The following SLC4A7 variants were observed in gnomAD, a reference collection of about 807,000 sequenced individuals.
SLC4A7 encodes the protein sodium bicarbonate cotransporter 3.
In SLC4A7, 51 loss-of-function variants were observed where a neutral mutation model predicts 137.6. The ratio of observed to expected loss-of-function variants is 0.37; its 90% CI spans 0.30 to 0.47. The LOEUF (loss-of-function observed/expected upper bound fraction) is 0.47. Among genes scored for constraint, SLC4A7 ranks in the 20% least tolerant of loss-of-function variants. SLC4A7 has a pLI of 1.00. For synonymous variants in SLC4A7, 542 were observed against 518.6 expected (o/e 1.05, Z -0.61); for missense variants, 1,247 against 1,525.4 (o/e 0.82, Z 3.04).
rs1416350975 is a variant in SLC4A7 at position 27,424,077 on chromosome 3, C to T, written c.1226G>A (p.Ser409Asn). The T allele has an allele frequency of 3.1e-6, 5 of 1,611,536 alleles. No individual in the cohort carries two copies. The highest frequency in any genetic ancestry group is 3.3e-4 in the Middle Eastern group (2 of 6,054). ...AGTACTATTTTCTCTGCTTCCACCA[C>T]TTCCATTACCTTTAATTTCTCCACT... ...SKSGEIKGNG[S>N]GGSRENSTVD... Residue 409 changes from serine (S) to asparagine (N), a missense_variant, in exon 8 of 26, where the codon AGT becomes AAT. Physicochemically the swap from Ser to Asn is conservative, Grantham distance 46 (BLOSUM62 1). Coordinates refer to ENST00000454389, the MANE Select transcript of SLC4A7 (RefSeq NM_001321103.2).
rs867642863 is a variant in SLC4A7 at position 27,484,227 on chromosome 3, G to A, written c.-101C>T. On this transcript the variant is annotated 5_prime_UTR_variant, in exon 1 of 26. Coordinates refer to ENST00000454389, the MANE Select transcript of SLC4A7 (RefSeq NM_001321103.2). ...CGCCGCCGCCGAGCCCCCGGCGCGC[G>A]AGGACAAACGTGGGTGCGTCCGTGC... 2.0e-6 allele frequency: 2 copies of A among 1,010,686 alleles called. No individual in the cohort carries two copies. The highest frequency in any genetic ancestry group is 6.8e-4 in the Middle Eastern group (2 of 2,930). The allele number at this position is 1,010,686 out of a possible 1,614,324, so 62.6% of individuals were successfully genotyped here.
chr3:27,380,486 G>A (rs1319513692), intron 24 of SLC4A7, among the ~76,000 whole-genome samples: 2 of 152,046 alleles, frequency 1.3e-5, no homozygotes, highest in Non-Finnish European at 2.9e-5. Flanking sequence ...GTATCATAAA[G>A]TTAATACAAA....
intron 1 of SLC4A7, among the ~76,000 whole-genome samples, chr3:27,476,520 C>G (rs1188954366): frequency 1.3e-5 from 2 of 152,196 alleles, no homozygotes; most frequent in Non-Finnish European, 2.9e-5. Context: ...CATCTGCTAT[C>G]GTTTGGCTCT....
At position 27,484,238 on chromosome 3, in the gene SLC4A7, T is replaced by G; in HGVS notation, c.-112A>C. Reference sequence around the variant, plus strand: ...AGCCCCCGGCGCGCGAGGACAAACGTGGGTGCGTCCGTGCGCGAGGTGTGC... The same window carrying G: ...AGCCCCCGGCGCGCGAGGACAAACGGGGGTGCGTCCGTGCGCGAGGTGTGC... On this transcript the variant is annotated 5_prime_UTR_variant, in exon 1 of 26. Coordinates refer to ENST00000454389, the MANE Select transcript of SLC4A7 (RefSeq NM_001321103.2). 6 of 894,340 alleles carry G rather than the reference T, an allele frequency of 6.7e-6. No individual in the cohort carries two copies. Among genetic ancestry groups the G allele is most frequent in the Non-Finnish European group, 8.8e-6 (6 of 685,150 alleles). 55.4% of individuals were successfully genotyped at this position (894,340 alleles called of 1,614,324 possible).
chr3:27,447,102 G>A (rs2057717170), intron 3 of SLC4A7, among the ~76,000 whole-genome samples: 1 of 149,916 alleles, frequency 6.7e-6, no homozygotes, highest in African/African-American at 2.5e-5. Flanking sequence ...TGGCCAGGCT[G>A]GTCTTGAACT....
At chr3:27,403,759 C>T (rs1292941385) in intron 14 of SLC4A7, among the ~76,000 whole-genome samples, 1 of 152,088 alleles carries the variant, frequency 6.6e-6, no homozygotes, top group East Asian at 1.9e-4. Flanking sequence ...TTGCATCTTA[C>T]TCCCTCTAAA....
At chr3:27,420,276 A>G (rs933588573) in intron 10 of SLC4A7, among the ~76,000 whole-genome samples, 1 of 152,172 alleles carries the variant, frequency 6.6e-6, no homozygotes, top group African/African-American at 2.4e-5. Flanking sequence ...CAAGAATCTG[A>G]TTACAAATCT....
chr3:27,448,790 T>TCTATGAC lies in SLC4A7; in HGVS notation c.143_149dup (p.Ala51SerfsTer2). ...GGACGTGAACACCAATATATACAGCTCTATGACCTATTAAAAGGTTCAGAA... is the reference window on the plus strand; with the variant it reads ...GGACGTGAACACCAATATATACAGCTCTATGACCTATGACCTATTAAAAGGTTCAGAA... On this transcript the variant is annotated stop_gained and frameshift_variant, in exon 3 of 26. Transcript: ENST00000454389. LOFTEE classifies it high-confidence loss of function. 1 of 1,592,478 alleles carries TCTATGAC rather than the reference T, an allele frequency of 6.3e-7. No individual in the cohort carries two copies. Among genetic ancestry groups the TCTATGAC allele is most frequent in the Non-Finnish European group, 8.5e-7 (1 of 1,170,704 alleles).
chr3:27,400,616 A>G (rs981101288), intron 16 of SLC4A7, 148 bp downstream of exon 16: 12 of 551,288 alleles, frequency 2.2e-5, no homozygotes, highest in Non-Finnish European at 3.5e-5. Flanking sequence ...ATAAAAAAGT[A>G]GCAACTGCTA....
At chr3:27,388,950 T>C (rs913100773) in intron 22 of SLC4A7, among the ~76,000 whole-genome samples, 1 of 152,170 alleles carries the variant, frequency 6.6e-6, no homozygotes, top group African/African-American at 2.4e-5. Flanking sequence ...AATTTATTGA[T>C]ATTCATGCAA....
intron 16 of SLC4A7, among the ~76,000 whole-genome samples, chr3:27,399,252 C>T (rs2052511774): frequency 1.3e-5 from 2 of 152,206 alleles, no homozygotes; most frequent in South Asian, 2.1e-4. Context: ...AAAAAACCCA[C>T]CCTGCATGGC....
At chr3:27,376,926 A>G in intron 25 of SLC4A7, 81 bp from the exon 26 acceptor site, 1 of 593,020 alleles carries the variant, frequency 1.7e-6, no homozygotes, top group East Asian at 3.4e-5. Flanking sequence ...TGAGTATACT[A>G]AACCTTCTGA....
chr3:27,432,727 TA>T (rs1430413501), intron 6 of SLC4A7, among the ~76,000 whole-genome samples: 1 of 152,182 alleles, frequency 6.6e-6, no homozygotes, highest in Non-Finnish European at 1.5e-5. Context: ...AAATGGCATT[TA>T]AAAGAAAACA....
At position 27,379,204 on chromosome 3, in the gene SLC4A7, T is replaced by C. The variant is rs1364680612; in HGVS notation, c.3698+45A>G. The C allele has an allele frequency of 1.0e-5, 10 of 1,003,306 alleles. No individual in the cohort carries two copies. The East Asian group carries it at 2.6e-4, about 26-fold the overall frequency. 62.2% of individuals were successfully genotyped at this position (1,003,306 alleles called of 1,614,324 possible). On this transcript the variant is annotated intron_variant, in intron 25 of 25. Transcript: ENST00000454389. ...AAGGAATGAAGCTATCATAAGTAAATGAAAATTGGCTACAGTTAGAAAACA... is the reference window on the plus strand; with the variant it reads ...AAGGAATGAAGCTATCATAAGTAAACGAAAATTGGCTACAGTTAGAAAACA...
chr3:27,393,841 T>G (rs1397120919), intron 20 of SLC4A7, among the ~76,000 whole-genome samples: 1 of 152,112 alleles, frequency 6.6e-6, no homozygotes, highest in East Asian at 1.9e-4. Context: ...ACAAGAGGGA[T>G]GTGATGGAAG....
chr3:27,396,684 T>C (rs1283062094), intron 18 of SLC4A7, among the ~76,000 whole-genome samples: 1 of 152,094 alleles, frequency 6.6e-6, no homozygotes, highest in Non-Finnish European at 1.5e-5. Context: ...TTATATTCCT[T>C]ATTTCGGATC....
chr3:27,471,921 GA>G (rs371233493), intron 1 of SLC4A7, among the ~76,000 whole-genome samples: 33 of 152,236 alleles, frequency 2.2e-4, no homozygotes, highest in African/African-American at 7.7e-4. Context: ...GAGGCCGATT[GA>G]AAAAGCTGAA....
At chr3:27,438,395 C>T (rs1025708904) in intron 3 of SLC4A7, among the ~76,000 whole-genome samples, 2 of 151,788 alleles carry the variant, frequency 1.3e-5, no homozygotes, top group Admixed American at 6.6e-5. Flanking sequence ...ATCCCAGCTA[C>T]TCCGGAGGCT....
chr3:27,463,070 A>C (rs2058781013), intron 1 of SLC4A7, among the ~76,000 whole-genome samples: 1 of 151,620 alleles, frequency 6.6e-6, no homozygotes, highest in South Asian at 2.1e-4. Context: ...AGAGGTGGGC[A>C]GATCACCCGA....
Sources: gnomAD v4.1 joint callset for allele counts (sites outside exome capture counted in the v4.1 genomes callset) on GRCh38, gnomAD v4.1.1 for gene constraint, MANE v1.5 for transcripts, NCBI Gene and HGNC (gene_info 2026-07-23, HGNC 2026-07-21) for gene names.